OR52N4: variants seen among roughly 807,000 people sequenced by gnomAD.
The protein encoded by OR52N4 is olfactory receptor 52N4.
A neutral mutation model predicts 15.0 loss-of-function variants in OR52N4; 15 were observed. That is an observed-to-expected ratio of 1.00 (90% confidence interval 0.67 to 1.54). The LOEUF is 1.54. Ranked by LOEUF, OR52N4 falls within the 40% of genes most tolerant of loss-of-function variation. OR52N4 has a pLI of 0.00. For missense variants in OR52N4, 421 were observed against 394.0 expected, an observed-to-expected ratio of 1.07 and a Z score of -0.58; for synonymous variants, 143 against 143.7, an observed-to-expected ratio of 1.00 and a Z score of 0.03.
chr11:5,754,039 T>C (rs11826964), upstream of OR52N4, among the ~76,000 whole-genome samples: 26,005 of 147,778 alleles, frequency 0.18, 2,447 homozygotes, highest in East Asian at 0.25. Flanking sequence ...AATAGGGGTA[T>C]CCATCATCTC....
At chr11:5,754,515 TA>T in intron 1 of OR52N4, among the ~76,000 whole-genome samples, 177 bp from the exon 2 acceptor site, 1 of 148,940 alleles carries the variant, frequency 6.7e-6, no homozygotes, top group South Asian at 2.2e-4. Flanking sequence ...AAGAATTTTT[TA>T]CTGAATCAAT....
chr11:5,753,430 T>C (rs1482727410), upstream of OR52N4, among the ~76,000 whole-genome samples: 5 of 152,280 alleles, frequency 3.3e-5, no homozygotes, highest in Admixed American at 2.6e-4. Context: ...GCAATTTTAT[T>C]TCTCTTTTGA....
chr11:5,751,356 CT>C (rs1299329544), upstream of OR52N4, among the ~76,000 whole-genome samples: 6 of 150,896 alleles, frequency 4.0e-5, no homozygotes, highest in East Asian at 5.8e-4. Context: ...CCTTTGTCAT[CT>C]TTTTTTTTCC....
At chr11:5,733,255 C>A in the OR52N4 span, among the ~76,000 whole-genome samples, 1 of 152,148 alleles carries the variant, frequency 6.6e-6, no homozygotes, top group Admixed American at 6.5e-5. Context: ...TCTCACATCA[C>A]CTCCCATGTT....
the OR52N4 span, among the ~76,000 whole-genome samples, chr11:5,748,081 C>A: frequency 6.6e-6 from 1 of 151,890 alleles, no homozygotes; most frequent in African/African-American, 2.4e-5. Flanking sequence ...ACATAAATCA[C>A]ACACATCTAA....
At chr11:5,753,149 G>T (rs559341824), upstream of OR52N4, among the ~76,000 whole-genome samples, 462 of 152,134 alleles carry the variant, frequency 3.0e-3, 5 homozygotes, top group African/African-American at 0.011. Flanking sequence ...ACATAGTTTT[G>T]TTGGAAATGG....
the OR52N4 span, among the ~76,000 whole-genome samples, chr11:5,745,923 T>G: frequency 6.6e-6 from 1 of 152,018 alleles, no homozygotes; most frequent in South Asian, 2.1e-4. Flanking sequence ...TCTTTTTTGG[T>G]GTGTCCTTAC....
chr11:5,727,980 A>G, the OR52N4 span, among the ~76,000 whole-genome samples: 1 of 152,234 alleles, frequency 6.6e-6, no homozygotes, highest in African/African-American at 2.4e-5. Context: ...AAAAAGATCC[A>G]CCAGCATCCA....
At chr11:5,737,806 G>GACACACAT in the OR52N4 span, 1 of 225,934 alleles carries the variant, frequency 4.4e-6, no homozygotes, top group African/African-American at 2.3e-5. Flanking sequence ...TACACACACA[G>GACACACAT]ACACACATAC....
chr11:5,737,237 G>T, the OR52N4 span: 75 of 1,614,068 alleles, frequency 4.6e-5, no homozygotes, highest in South Asian at 4.4e-4. Flanking sequence ...GAACTCAGCT[G>T]AAGCTGCAGC....
chr11:5,752,997 G>A (rs1050670412), upstream of OR52N4, among the ~76,000 whole-genome samples: 8 of 152,170 alleles, frequency 5.3e-5, no homozygotes, highest in East Asian at 5.8e-4. Flanking sequence ...TTATTGTTAC[G>A]TGGTATTTCA....
the OR52N4 span, among the ~76,000 whole-genome samples, chr11:5,734,452 T>C: frequency 0.083 from 12,677 of 152,132 alleles, 538 homozygotes; most frequent in African/African-American, 0.1. Flanking sequence ...AGTTACCTTG[T>C]CTGTAATCAA....
At chr11:5,732,433 A>G in the OR52N4 span, among the ~76,000 whole-genome samples, 8 of 152,218 alleles carry the variant, frequency 5.3e-5, no homozygotes, top group Admixed American at 5.2e-4. Flanking sequence ...AGTTCTTTTC[A>G]AAAAGTCATT....
the OR52N4 span, among the ~76,000 whole-genome samples, chr11:5,740,636 G>A: frequency 3.7e-4 from 46 of 124,420 alleles, 12 homozygotes; most frequent in African/African-American, 1.3e-3. Flanking sequence ...GGGAAACCCC[G>A]TCTCTACAAA....
At chr11:5,732,089 C>T in the OR52N4 span, among the ~76,000 whole-genome samples, 1 of 152,062 alleles carries the variant, frequency 6.6e-6, no homozygotes, top group East Asian at 1.9e-4. Flanking sequence ...CCATATATTA[C>T]TATTGACTGT....
chr11:5,736,968 T>G, the OR52N4 span: 1 of 1,614,134 alleles, frequency 6.2e-7, no homozygotes, highest in Non-Finnish European at 8.5e-7. Flanking sequence ...TCCTTAATCT[T>G]AAAAGCTACC....
chr11:5,736,554 G>A, the OR52N4 span: 1 of 1,613,752 alleles, frequency 6.2e-7, no homozygotes, highest in Middle Eastern at 1.7e-4. Flanking sequence ...ATCTCCAATA[G>A]CTCCAAATTC....
the OR52N4 span, chr11:5,736,044 T>C: frequency 6.1e-6 from 1 of 164,070 alleles, no homozygotes; most frequent in Admixed American, 5.7e-5. Flanking sequence ...ATGTCTTCAT[T>C]ATATGACTTC....
At chr11:5,739,226 A>G in the OR52N4 span, among the ~76,000 whole-genome samples, 1 of 126,190 alleles carries the variant, frequency 7.9e-6, no homozygotes, top group Non-Finnish European at 1.7e-5. Flanking sequence ...ATTTTCTATA[A>G]AGTTACAAGA....
Sources: allele counts gnomAD v4.1 joint callset (sites outside exome capture counted in the v4.1 genomes callset), GRCh38; gene constraint gnomAD v4.1.1; transcripts MANE v1.5; gene names NCBI Gene and HGNC (gene_info 2026-07-23, HGNC 2026-07-21).